ALOX5: variants seen among roughly 807,000 people sequenced by gnomAD.
ALOX5 encodes polyunsaturated fatty acid 5-lipoxygenase.
A neutral mutation model predicts 87.9 loss-of-function variants in ALOX5; 64 were observed. The ratio of observed to expected loss-of-function variants is 0.73; its 90% CI spans 0.60 to 0.90. The LOEUF (loss-of-function observed/expected upper bound fraction) is 0.90, where lower values mean the gene tolerates loss of function less well. Among genes scored for constraint, ALOX5 ranks in the 40% least tolerant of loss-of-function variants. ALOX5 has a pLI of 0.00. For missense variants in ALOX5, 822 were observed against 907.5 expected, an observed-to-expected ratio of 0.91 and a Z score of 1.21; for synonymous variants, 388 against 355.1, an observed-to-expected ratio of 1.09 and a Z score of -1.04.
chr10:45,407,315 TTCTC>T lies in ALOX5; in HGVS notation c.432-4872_432-4869del, dbSNP rs373590084. ...TCGTTCACTCTCTGCATCTCTTTCC[TTCTC>T]TCTGTCTCTGTTTCTCCTGTCTCTT... On this transcript the variant is annotated intron_variant, in intron 3 of 13. Coordinates refer to ENST00000374391, the MANE Select transcript of ALOX5 (RefSeq NM_000698.5). 1.3e-3 allele frequency among the ~76,000 whole-genome samples: 191 copies of T among 152,264 alleles called. 6 individuals carry two copies. The East Asian group carries it at 0.026, about 21-fold the overall frequency.
chr10:45,404,790 CAAG>C (rs1330359034), intron 3 of ALOX5, among the ~76,000 whole-genome samples: 3 of 152,154 alleles, frequency 2.0e-5, no homozygotes, highest in Admixed American at 6.5e-5. Context: ...GGGAATATTC[CAAG>C]AAGTAGAGTT....
intron 1 of ALOX5, among the ~76,000 whole-genome samples, chr10:45,377,076 T>G (rs1009437768): frequency 1.3e-5 from 2 of 152,254 alleles, no homozygotes; most frequent in African/African-American, 4.8e-5. Context: ...TCTGTGCTGG[T>G]ACTTTTAAGA....
At chr10:45,401,721 T>C (rs1440746153) in intron 3 of ALOX5, among the ~76,000 whole-genome samples, 1 of 152,204 alleles carries the variant, frequency 6.6e-6, no homozygotes, top group Non-Finnish European at 1.5e-5. Context: ...AAAACCCTTG[T>C]ATGTGAAATT....
Position 45,417,647 on chromosome 10 carries a change from A to C in ALOX5, c.554+5334A>C, listed in dbSNP as rs1379454290. Among the ~76,000 whole-genome samples the C allele has an allele frequency of 4.6e-5, 7 of 152,254 alleles. 1 individual carries two copies. The South Asian group carries it at 1.4e-3, about 32-fold the overall frequency. ...GAGGCTCGCTCTAAAAAGTAAATAT[A>C]ATTTCTTGGTTGGCTCAATTGCAGG... On this transcript the variant is annotated intron_variant, in intron 4 of 13. Coordinates refer to ENST00000374391, the MANE Select transcript of ALOX5 (RefSeq NM_000698.5).
At position 45,440,637 on chromosome 10, in the gene ALOX5, C is replaced by T. The variant is rs1842204718; in HGVS notation, c.1185+4C>T. On this transcript the variant is annotated splice_donor_region_variant and intron_variant, in intron 8 of 13. Coordinates refer to ENST00000374391, the MANE Select transcript of ALOX5 (RefSeq NM_000698.5). ...TGCTGTGCACCCCATTTTCAAGGTA[C>T]AGCCAGCTACCGCCCCACCTGCTAT... 1.2e-6 allele frequency: 2 copies of T among 1,613,598 alleles called. No individual in the cohort carries two copies. Among genetic ancestry groups the T allele is most frequent in the Admixed American group, 1.7e-5 (1 of 59,976 alleles).
Position 45,425,734 on chromosome 10 carries a change from C to T in ALOX5, c.834+602C>T, listed in dbSNP as rs1311006991. ...AACTCCACCTGGATCTGGTGGGGCT[C>T]AGCAACAGGCGCTGGCCCATCAGCC... On this transcript the variant is annotated intron_variant, in intron 6 of 13. Coordinates refer to ENST00000374391, the MANE Select transcript of ALOX5 (RefSeq NM_000698.5). The surrounding 1 kb of genome is among the most constrained non-coding windows in gnomAD (Gnocchi z 4.4). Among the ~76,000 whole-genome samples, 2 of 152,222 alleles carry T rather than the reference C, an allele frequency of 1.3e-5. No homozygotes were observed. The highest frequency in any genetic ancestry group is 2.4e-5 in the African/African-American group (1 of 41,446).
intron 1 of ALOX5, among the ~76,000 whole-genome samples, chr10:45,381,042 A>G (rs1417502805): frequency 1.3e-5 from 2 of 152,182 alleles, no homozygotes; most frequent in African/African-American, 2.4e-5. Flanking sequence ...TCTCATCCCA[A>G]CTTCCTGTCT....
chr10:45,389,380 A>T (rs1433894879), intron 2 of ALOX5, among the ~76,000 whole-genome samples: 1 of 152,220 alleles, frequency 6.6e-6, no homozygotes, highest in East Asian at 1.9e-4. Context: ...CAACTCCGAG[A>T]CACATAATTG....
intron 13 of ALOX5, 168 bp downstream of exon 13, chr10:45,444,454 C>T: frequency 3.2e-6 from 3 of 950,544 alleles, no homozygotes; most frequent in South Asian, 1.8e-5. Flanking sequence ...GTCCCCCGGC[C>T]TCAGCCTGGA....
At chr10:45,412,424 G>C in intron 4 of ALOX5, 111 bp downstream of exon 4, 1 of 1,417,732 alleles carries the variant, frequency 7.1e-7, no homozygotes, top group Non-Finnish European at 9.6e-7. Flanking sequence ...GAACAGCCTA[G>C]CTGAGCCAAA....
intron 5 of ALOX5, 73 bp from the exon 6 acceptor site, chr10:45,424,882 TAGGTG>T (rs1841640719): frequency 5.1e-6 from 8 of 1,555,060 alleles, no homozygotes; most frequent in Non-Finnish European, 6.1e-6. Context: ...ACTCTGCTCT[TAGGTG>T]AGGTCAGGAG....
chr10:45,376,340 G>T (rs1326368409), intron 1 of ALOX5, among the ~76,000 whole-genome samples: 1 of 143,112 alleles, frequency 7.0e-6, no homozygotes, highest in East Asian at 2.1e-4. Flanking sequence ...GGGGCGGGGG[G>T]TGGTTGGGGG....
At chr10:45,383,834 C>A (rs1443161301) in intron 2 of ALOX5, among the ~76,000 whole-genome samples, 2 of 152,126 alleles carry the variant, frequency 1.3e-5, no homozygotes, top group African/African-American at 4.8e-5. Context: ...AAAAAAATCA[C>A]AAAGTTCATT....
chr10:45,412,110 G>A, intron 3 of ALOX5, 81 bp from the exon 4 acceptor site: 1 of 1,583,930 alleles, frequency 6.3e-7, no homozygotes, highest in Non-Finnish European at 8.6e-7. Context: ...AACATCGTCT[G>A]ACAGTGTGGG....
intron 1 of ALOX5, among the ~76,000 whole-genome samples, chr10:45,377,391 C>G (rs112078107): frequency 6.6e-6 from 1 of 151,616 alleles, no homozygotes; most frequent in Non-Finnish European, 1.5e-5. Context: ...CTAAATGCCC[C>G]CCGTTTCTGC....
chr10:45,396,254 A>G (rs952002323), intron 3 of ALOX5, among the ~76,000 whole-genome samples: 1 of 152,248 alleles, frequency 6.6e-6, no homozygotes, highest in Non-Finnish European at 1.5e-5. Context: ...TCTTCTTATA[A>G]CAATTCAATT....
intron 2 of ALOX5, among the ~76,000 whole-genome samples, chr10:45,394,012 T>A (rs1840401735): frequency 6.6e-6 from 1 of 152,154 alleles, no homozygotes; most frequent in African/African-American, 2.4e-5. Context: ...ATGAATATCA[T>A]AAAAATGGCC....
chr10:45,380,408 C>T (rs1475395941), intron 1 of ALOX5, among the ~76,000 whole-genome samples: 1 of 152,234 alleles, frequency 6.6e-6, no homozygotes, highest in Non-Finnish European at 1.5e-5. Context: ...GCGTCAGCCA[C>T]CCCAAACTGC....
intron 1 of ALOX5, among the ~76,000 whole-genome samples, chr10:45,377,835 T>G (rs1839681020): frequency 1.3e-5 from 2 of 152,354 alleles, no homozygotes; most frequent in Non-Finnish European, 2.9e-5. Flanking sequence ...GATAGAAAGC[T>G]CACATGAAAA....
Sources: gnomAD v4.1 joint callset for allele counts (sites outside exome capture counted in the v4.1 genomes callset) on GRCh38, gnomAD v4.1.1 for gene constraint, Gnocchi (gnomAD v3.1) non-coding constraint, MANE v1.5 for transcripts, NCBI Gene and HGNC (gene_info 2026-07-23, HGNC 2026-07-21) for gene names.